The following NAALADL2 variants were observed in gnomAD, a reference collection of about 807,000 sequenced individuals.
NAALADL2 encodes N-acetylated alpha-linked acidic dipeptidase like 2.
NAALADL2 carries 76 observed loss-of-function variants against 87.2 expected under a neutral mutation model. The observed-to-expected ratio is 0.87, with a 90% CI of 0.72 to 1.05. The LOEUF (loss-of-function observed/expected upper bound fraction) is 1.05. Among genes scored for constraint, NAALADL2 ranks in the 50% least tolerant of loss-of-function variants. The pLI is 0.00. For synonymous variants in NAALADL2, 354 were observed against 331.0 expected (o/e 1.07, Z -0.75); for missense variants, 1,089 against 945.8 (o/e 1.15, Z -1.99).
intron 11 of NAALADL2, among the ~76,000 whole-genome samples, chr3:175,723,748 T>A (rs1286390297): frequency 1.3e-5 from 2 of 152,216 alleles, no homozygotes; most frequent in East Asian, 3.9e-4. Context: ...TCTCCAACTT[T>A]ATTTTCATTT....
intron 1 of NAALADL2, among the ~76,000 whole-genome samples, chr3:175,016,482 C>A (rs1255176441): frequency 6.6e-6 from 1 of 151,162 alleles, no homozygotes. Flanking sequence ...GTAAGATTAA[C>A]CCCTGCTAAA....
At chr3:175,699,896 C>G (rs1461596482) in intron 11 of NAALADL2, among the ~76,000 whole-genome samples, 1 of 152,060 alleles carries the variant, frequency 6.6e-6, no homozygotes, top group Non-Finnish European at 1.5e-5. Context: ...CTTGTAATGT[C>G]AGAGGACAGG....
chr3:175,677,690 A>T (rs1735005572), intron 11 of NAALADL2, among the ~76,000 whole-genome samples: 1 of 152,134 alleles, frequency 6.6e-6, no homozygotes, highest in East Asian at 1.9e-4. Flanking sequence ...TTTACAAAAA[A>T]ATCAATAGAG....
chr3:175,394,041 G>A (rs750199786), intron 5 of NAALADL2, among the ~76,000 whole-genome samples: 2 of 151,764 alleles, frequency 1.3e-5, no homozygotes, highest in Non-Finnish European at 2.9e-5. Flanking sequence ...AAATGCATTA[G>A]GATAGAATTT....
At chr3:175,706,506 C>G (rs975859047) in intron 11 of NAALADL2, among the ~76,000 whole-genome samples, 6 of 152,090 alleles carry the variant, frequency 3.9e-5, no homozygotes, top group Non-Finnish European at 7.4e-5. Flanking sequence ...TCATATTGTA[C>G]TGTTCTCACC....
At chr3:174,859,686 C>A (rs1206586693) in intron 1 of NAALADL2, among the ~76,000 whole-genome samples, 1 of 152,088 alleles carries the variant, frequency 6.6e-6, no homozygotes, top group Non-Finnish European at 1.5e-5. Context: ...CACAGAATCA[C>A]AAATTTGGGG....
intron 10 of NAALADL2, among the ~76,000 whole-genome samples, chr3:175,611,202 T>C (rs186778494): frequency 7.2e-5 from 11 of 152,216 alleles, no homozygotes; most frequent in Admixed American, 7.2e-4. Context: ...ATTGTATAGT[T>C]AGATGTGGTA....
intron 5 of NAALADL2, among the ~76,000 whole-genome samples, chr3:175,336,170 T>C (rs900571300): frequency 1.3e-5 from 2 of 152,172 alleles, no homozygotes; most frequent in African/African-American, 4.8e-5. Context: ...CTCAGGCCAT[T>C]ATTTGCTAAC....
intron 4 of NAALADL2, among the ~76,000 whole-genome samples, chr3:175,319,591 G>A (rs115619659): frequency 0.014 from 2,198 of 152,186 alleles, 47 homozygotes; most frequent in African/African-American, 0.039. Context: ...AGGCCGAGTC[G>A]GCAATATCAT....
rs1754920158 is a variant in NAALADL2, at chr3:175,808,842, A to C, written c.*5639A>C. The C allele has an allele frequency of 6.6e-6, 1 of 151,998 alleles. No individual in the cohort carries two copies. The highest frequency in any genetic ancestry group is 1.5e-5 in the Non-Finnish European group (1 of 67,946). 9.4% of individuals were successfully genotyped at this position (151,998 alleles called of 1,614,324 possible). ...CATCTGAATAGAAGCTTAGCTAGAG[A>C]AGTGGAGTTAGAGTCCCTATTTTAA... is the stretch of plus-strand genomic sequence containing the variant. On this transcript the variant is annotated 3_prime_UTR_variant, in exon 14 of 14. Transcript: ENST00000454872.
At chr3:175,468,708 A>G (rs1036786468) in intron 8 of NAALADL2, among the ~76,000 whole-genome samples, 1 of 152,088 alleles carries the variant, frequency 6.6e-6, no homozygotes, top group Non-Finnish European at 1.5e-5. Flanking sequence ...GTTTTAGAAT[A>G]GACTAGGCTT....
At chr3:175,263,534 T>C (rs1751435686) in intron 4 of NAALADL2, among the ~76,000 whole-genome samples, 1 of 151,852 alleles carries the variant, frequency 6.6e-6, no homozygotes, top group African/African-American at 2.4e-5. Context: ...CATTTGAAAA[T>C]TACGACATCA....
chr3:174,798,139 C>T (rs1718361606), intron 3 of NAALADL2, among the ~76,000 whole-genome samples: 1 of 152,142 alleles, frequency 6.6e-6, no homozygotes, highest in South Asian at 2.1e-4. Flanking sequence ...TTGACTCTGT[C>T]ATCAAAATTA....
At chr3:174,999,609 G>T (rs1747963083) in intron 1 of NAALADL2, among the ~76,000 whole-genome samples, 1 of 152,120 alleles carries the variant, frequency 6.6e-6, no homozygotes, top group Admixed American at 6.5e-5. Context: ...AAATAGCAAA[G>T]AATTTAATTG....
intron 1 of NAALADL2, among the ~76,000 whole-genome samples, chr3:174,975,863 T>C (rs533819857): frequency 2.6e-5 from 4 of 152,202 alleles, no homozygotes; most frequent in African/African-American, 9.6e-5. Flanking sequence ...ATAAGCTGAA[T>C]GAGCTTAGAA....
chr3:175,718,729 C>A, intron 11 of NAALADL2: 1 of 1,208,894 alleles, frequency 8.3e-7, no homozygotes, highest in Non-Finnish European at 1.2e-6. Context: ...AGATCAAGAC[C>A]AACCTGGGCA....
rs559817051 is a variant in NAALADL2, at chr3:175,370,503, G to GT, written c.1090+46178_1090+46179insT. On this transcript the variant is annotated intron_variant, in intron 5 of 13. Transcript: ENST00000454872. Reference sequence around the variant, plus strand: ...TTTAGAGTTACTGCCAATATATGGGGGGGGGAGGGATTTTATAAAAATAGC... The same window carrying GT: ...TTTAGAGTTACTGCCAATATATGGGGTGGGGGAGGGATTTTATAAAAATAGC... Among the ~76,000 whole-genome samples, 220 of 152,046 alleles carry GT rather than the reference G, an allele frequency of 1.4e-3. 2 individuals carry two copies. Among genetic ancestry groups the GT allele is most frequent in the African/African-American group, 5.0e-3 (209 of 41,472 alleles).
At chr3:175,158,175 C>A (rs1580729961) in intron 2 of NAALADL2, among the ~76,000 whole-genome samples, 1 of 152,002 alleles carries the variant, frequency 6.6e-6, no homozygotes, top group Non-Finnish European at 1.5e-5. Context: ...GTGTAAGGTA[C>A]ACTCAGAGTC....
intron 4 of NAALADL2, among the ~76,000 whole-genome samples, chr3:175,257,486 A>C (rs1245673658): frequency 6.6e-6 from 1 of 152,000 alleles, no homozygotes; most frequent in Non-Finnish European, 1.5e-5. Context: ...AGTGATACTA[A>C]ATTTTTGCTG....
Sources: gnomAD v4.1 joint callset for allele counts (sites outside exome capture counted in the v4.1 genomes callset) on GRCh38, gnomAD v4.1.1 for gene constraint, MANE v1.5 for transcripts, NCBI Gene and HGNC (gene_info 2026-07-23, HGNC 2026-07-21) for gene names.